Variants in YTHDF2 observed in about 807,000 individuals in gnomAD.
The protein encoded by YTHDF2 is YTH domain-containing family protein 2.
YTHDF2 carries 2 observed loss-of-function variants against 50.4 expected under a neutral mutation model. That is an observed-to-expected ratio of 0.04 (90% CI 0.02 to 0.12). The LOEUF (loss-of-function observed/expected upper bound fraction) is 0.12, where lower values mean the gene tolerates loss of function less well. Among genes scored for constraint, YTHDF2 ranks in the 10% least tolerant of loss-of-function variants. YTHDF2 has a pLI of 1.00. For synonymous variants in YTHDF2, 217 were observed against 255.6 expected (o/e 0.85, Z 1.44); for missense variants, 483 against 722.6 (o/e 0.67, Z 3.80).
At position 28,760,314 on chromosome 1, in the gene YTHDF2, T is replaced by TGTGA. The variant is rs1318796141; in HGVS notation, c.1717-8614_1717-8613insTGAG. Reference sequence around the variant, plus strand: ...GTGTGTGTGTGTGTGTGTGTGTGTGTGACGGAGTCTTGCTGTGTCGCCCAG... The same window carrying TGTGA: ...GTGTGTGTGTGTGTGTGTGTGTGTGTGTGAGACGGAGTCTTGCTGTGTCGCCCAG... On this transcript the variant is annotated intron_variant, in intron 4 of 4. Coordinates refer to ENST00000373812, the MANE Select transcript of YTHDF2 (RefSeq NM_016258.3). 2.8e-5 allele frequency among the ~76,000 whole-genome samples: 4 copies of TGTGA among 145,146 alleles called. No individual in the cohort carries two copies. In the South Asian group the frequency reaches 8.8e-4, roughly 32 times the overall value.
In YTHDF2 at chr1:28,737,655, C is replaced by T. The variant is rs771605713; in HGVS notation, c.28-3C>T. ...TGCTCGGCGACGTTTCCTTCCCCTGCAGAGACCAAAAGGTCAAGGAAACAA... is the reference window on the plus strand; with the variant it reads ...TGCTCGGCGACGTTTCCTTCCCCTGTAGAGACCAAAAGGTCAAGGAAACAA... On this transcript the variant is annotated splice_polypyrimidine_tract_variant and splice_region_variant and intron_variant, in intron 1 of 4. Transcript: ENST00000373812. 6.2e-7 allele frequency: 1 copy of T among 1,613,868 alleles called. No individual in the cohort carries two copies. The highest frequency in any genetic ancestry group is 1.3e-5 in the African/African-American group (1 of 75,002).
At chr1:28,737,499 C>A (rs753009678) in intron 1 of YTHDF2, 159 bp from the exon 2 acceptor site, 1 of 1,025,488 alleles carries the variant, frequency 9.8e-7, no homozygotes, top group Non-Finnish European at 1.4e-6. Flanking sequence ...GGCGCTTTCC[C>A]CCGCCTCCCA....
intron 4 of YTHDF2, among the ~76,000 whole-genome samples, chr1:28,751,213 T>C (rs1219106435): frequency 2.7e-5 from 4 of 150,462 alleles, no homozygotes; most frequent in African/African-American, 4.9e-5. Context: ...AGCAGAGATT[T>C]TACCACTGCA....
At chr1:28,737,555 C>A in intron 1 of YTHDF2, 103 bp from the exon 2 acceptor site, 1 of 1,519,006 alleles carries the variant, frequency 6.6e-7, no homozygotes, top group Non-Finnish European at 9.1e-7. Context: ...TCCCCTCGGG[C>A]CTGCTCCTTT....
chr1:28,759,299 T>C (rs572496332), intron 4 of YTHDF2, among the ~76,000 whole-genome samples: 1 of 152,328 alleles, frequency 6.6e-6, no homozygotes, highest in African/African-American at 2.4e-5. Flanking sequence ...GTTGGTTTCA[T>C]ATCTGCCGCT....
At chr1:28,746,881 A>C (rs990248763) in intron 4 of YTHDF2, among the ~76,000 whole-genome samples, 1 of 152,112 alleles carries the variant, frequency 6.6e-6, no homozygotes, top group Non-Finnish European at 1.5e-5. Context: ...CAGGAGTTTG[A>C]GACCAGCCTG....
intron 4 of YTHDF2, among the ~76,000 whole-genome samples, chr1:28,765,119 A>G (rs951076476): frequency 3.9e-5 from 6 of 151,966 alleles, no homozygotes; most frequent in African/African-American, 1.4e-4. Context: ...TCCTGCCTTC[A>G]GCCTCCCCAG....
chr1:28,737,916 C>T, intron 2 of YTHDF2: 1 of 597,082 alleles, frequency 1.7e-6, no homozygotes, highest in East Asian at 2.8e-5. Flanking sequence ...TGAAACGCTC[C>T]AGGTCCTTAG....
rs190810525 is a variant in YTHDF2, at chr1:28,765,662, A to C, written c.1717-3267A>C. 5.3e-3 allele frequency among the ~76,000 whole-genome samples: 801 copies of C among 152,110 alleles called. 32 individuals are homozygous for C. The highest frequency in any genetic ancestry group is 0.05 in the Admixed American group (760 of 15,272). On this transcript the variant is annotated intron_variant, in intron 4 of 4. Coordinates refer to ENST00000373812, the MANE Select transcript of YTHDF2 (RefSeq NM_016258.3). ...AGACAGGGTCTCACTATGTTGCCCA[A>C]GGCTGGTCTTGAACTCCTGGCCTCA... is the stretch of plus-strand genomic sequence containing the variant.
intron 3 of YTHDF2, 41 bp from the exon 4 acceptor site, chr1:28,742,362 A>C (rs1482938991): frequency 6.6e-7 from 1 of 1,522,344 alleles, no homozygotes; most frequent in Non-Finnish European, 8.8e-7. Flanking sequence ...GCCTGATGTT[A>C]ATTTTTTGTG....
At chr1:28,755,509 A>G (rs1333300542) in intron 4 of YTHDF2, among the ~76,000 whole-genome samples, 1 of 152,182 alleles carries the variant, frequency 6.6e-6, no homozygotes, top group Non-Finnish European at 1.5e-5. Context: ...AAAAGAGTAA[A>G]TAACTTTGCA....
intron 4 of YTHDF2, among the ~76,000 whole-genome samples, chr1:28,765,881 C>T (rs571481237): frequency 6.6e-6 from 1 of 152,272 alleles, no homozygotes; most frequent in South Asian, 2.1e-4. Context: ...GTCTTTTCTC[C>T]TAGGTATTTT....
chr1:28,742,266 A>T (rs1238541681), intron 3 of YTHDF2, 137 bp from the exon 4 acceptor site: 2 of 1,127,924 alleles, frequency 1.8e-6, no homozygotes, highest in Non-Finnish European at 2.4e-6. Flanking sequence ...AAGTGTAGGG[A>T]TTACAGGTGT....
intron 4 of YTHDF2, among the ~76,000 whole-genome samples, chr1:28,766,637 G>C (rs1011996071): frequency 1.3e-5 from 2 of 151,906 alleles, no homozygotes; most frequent in African/African-American, 4.8e-5. Context: ...TAAATAACTT[G>C]TTTCTCATCA....
chr1:28,763,087 A>G (rs2088158857), intron 4 of YTHDF2, among the ~76,000 whole-genome samples: 1 of 152,108 alleles, frequency 6.6e-6, no homozygotes, highest in Non-Finnish European at 1.5e-5. Flanking sequence ...TCGGCCTCCC[A>G]AAGTGCTGGC....
intron 4 of YTHDF2, among the ~76,000 whole-genome samples, chr1:28,749,038 G>T (rs1447189441): frequency 6.6e-6 from 1 of 152,080 alleles, no homozygotes; most frequent in Non-Finnish European, 1.5e-5. Context: ...TACTAAAGGG[G>T]TATGTGCTTT....
intron 4 of YTHDF2, among the ~76,000 whole-genome samples, chr1:28,768,521 G>A (rs1350199878): frequency 6.6e-6 from 1 of 152,052 alleles, no homozygotes; most frequent in Admixed American, 6.5e-5. Flanking sequence ...TATGTCCAAG[G>A]CCTTGGGACT....
chr1:28,760,996 T>C (rs1184186161), intron 4 of YTHDF2, among the ~76,000 whole-genome samples: 1 of 152,218 alleles, frequency 6.6e-6, no homozygotes, highest in African/African-American at 2.4e-5. Context: ...AGTAATGTTT[T>C]GTGCTACATC....
chr1:28,751,324 C>T (rs997104621), intron 4 of YTHDF2, among the ~76,000 whole-genome samples: 3 of 151,996 alleles, frequency 2.0e-5, no homozygotes, highest in African/African-American at 7.3e-5. Flanking sequence ...ATATTAAATC[C>T]TTAGGAAGTA....
Sources: allele counts gnomAD v4.1 joint callset (sites outside exome capture counted in the v4.1 genomes callset), GRCh38; gene constraint gnomAD v4.1.1; transcripts MANE v1.5; gene names NCBI Gene and HGNC (gene_info 2026-07-23, HGNC 2026-07-21).